Variants in DIDO1 observed in about 807,000 individuals in gnomAD.
DIDO1 encodes the protein death-inducer obliterator 1.
Under a neutral mutation model 99.4 loss-of-function variants are expected in DIDO1, and 16 were observed. That is an observed-to-expected ratio of 0.16 (90% CI 0.11 to 0.24). The LOEUF (loss-of-function observed/expected upper bound fraction) is 0.24, where lower values mean the gene tolerates loss of function less well. Ranked by LOEUF, DIDO1 falls within the 10% of genes least tolerant of loss-of-function variation. DIDO1 has a pLI of 1.00. For missense variants in DIDO1, 2,996 were observed against 3,014.0 expected (o/e 0.99, Z 0.14); for synonymous variants, 1,366 against 1,239.1 (o/e 1.10, Z -2.15).
Position 62,882,076 on chromosome 20 carries a change from C to T in DIDO1, c.3880G>A (p.Ala1294Thr), listed in dbSNP as rs1298456539. 1 of 1,601,048 alleles carries T rather than the reference C, an allele frequency of 6.2e-7. No individual in the cohort carries two copies. The highest frequency in any genetic ancestry group is 1.7e-4 in the Middle Eastern group (1 of 5,964). ...GAGGAAGCTGCCGTGGAGGCTGCCGCTGCTGTTGTGGCTGCTGTGGCTGGG... is the reference window on the plus strand; with the variant it reads ...GAGGAAGCTGCCGTGGAGGCTGCCGTTGCTGTTGTGGCTGCTGTGGCTGGG... Reference protein sequence around the residue: ...PSPATAATTAAAASTAASSTA... With the variant: ...PSPATAATTATAASTAASSTA... Residue 1294 changes from alanine (A) to threonine (T), a missense_variant, in exon 16 of 16, where the codon GCG becomes ACG. Physicochemically the swap from Ala to Thr is moderately conservative, Grantham distance 58. Around this residue, in one of 5 missense-constraint regions of DIDO1, gnomAD observed 1,562 missense variants for 1,412.6 expected, o/e 1.11. Transcript: ENST00000395343.
chr20:62,894,888 G>A lies in DIDO1; in HGVS notation c.2358C>T (p.His786=). 6.2e-7 allele frequency: 1 copy of A among 1,614,162 alleles called. No individual in the cohort carries two copies. The highest frequency in any genetic ancestry group is 1.1e-5 in the South Asian group (1 of 91,078). Residue 786 remains histidine (H), a synonymous_variant, in exon 10 of 16, where the codon CAC becomes CAT. Coordinates refer to ENST00000395343, the MANE Select transcript of DIDO1 (RefSeq NM_001193369.2). This position sits in a 1 kb window ranked among gnomAD's most constrained non-coding sequence, Gnocchi z 4.4. ...TGGGGGCCGTCTTCTTGCTTTCATT[G>A]TGCAGTTTAGTTCTGGACTCCATCA... ...RSVMESRTKL[H]NESKKTAPRQ...
chr20:62,891,427 G>A (rs114060635), intron 14 of DIDO1, among the ~76,000 whole-genome samples: 1,620 of 152,242 alleles, frequency 0.011, 35 homozygotes, highest in African/African-American at 0.037. Flanking sequence ...CCTCCCTAGA[G>A]GGGGTTAAAC....
At chr20:62,921,661 T>C (rs1435650092) in intron 1 of DIDO1, among the ~76,000 whole-genome samples, 8 of 145,344 alleles carry the variant, frequency 5.5e-5, no homozygotes, top group Admixed American at 4.9e-4. Flanking sequence ...GGAGACAGGG[T>C]CTCTGTCGCC....
rs1471882124 is a variant in DIDO1, at chr20:62,878,212, G to T, written c.*1021C>A. 3 of 152,180 alleles carry T rather than the reference G, an allele frequency of 2.0e-5. No individual in the cohort carries two copies. Among genetic ancestry groups the T allele is most frequent in the Non-Finnish European group, 4.4e-5 (3 of 68,026 alleles). 9.4% of individuals were successfully genotyped at this position (152,180 alleles called of 1,614,324 possible). A position where few individuals can be genotyped will look rare whatever the true frequency, so the allele number is the denominator to read the frequency against. ...TGTATTTGTACAAATAAATTAGCCA[G>T]ATTTTTTTACTTCACACTTCAGAAG... On this transcript the variant is annotated 3_prime_UTR_variant, in exon 16 of 16. Transcript: ENST00000395343.
Position 62,879,659 on chromosome 20 carries a change from C to A in DIDO1, c.6297G>T (p.Pro2099=), listed in dbSNP as rs1180666082. ...ERFDVGPKEK[P]LEEPDAQGRA... ...GGCCCTGGGCGTCGGGCTCCTCCAG[C>A]GGCTTCTCTTTGGGCCCCACGTCAA... is the stretch of plus-strand genomic sequence containing the variant. Residue 2099 remains proline, a synonymous_variant, in exon 16 of 16, where the codon CCG becomes CCT. Coordinates refer to ENST00000395343, the MANE Select transcript of DIDO1 (RefSeq NM_001193369.2). This position sits in a 1 kb window ranked among gnomAD's most constrained non-coding sequence, Gnocchi z 6.3. The A allele has an allele frequency of 1.2e-6, 2 of 1,608,306 alleles. No individual in the cohort carries two copies. Among genetic ancestry groups the A allele is most frequent in the African/African-American group, 1.3e-5 (1 of 74,920 alleles).
chr20:62,906,079 C>G lies in DIDO1; in HGVS notation c.1396G>C (p.Val466Leu), dbSNP rs373993169. ...GAQAGIKISS[V>L]HKRPAPEKKE... ...TTTTCTGGAGCTGGTCTCTTGTGCA[C>G]AGAAGAGATTTTAATACCTGCCTGG... The change falls in exon 6 of 16, where the codon GTG becomes CTG. Residue 466 changes from valine (V) to leucine (L), a missense_variant. Physicochemically the swap from Val to Leu is conservative, Grantham distance 32. Around this residue, in one of 5 missense-constraint regions of DIDO1, gnomAD observed 898 missense variants for 972.7 expected, o/e 0.92. Coordinates refer to ENST00000395343, the MANE Select transcript of DIDO1 (RefSeq NM_001193369.2). 21 of 1,611,522 alleles carry G rather than the reference C, an allele frequency of 1.3e-5. No individual in the cohort carries two copies. Among genetic ancestry groups the G allele is most frequent in the Non-Finnish European group, 1.8e-5 (21 of 1,178,984 alleles).
chr20:62,903,352 G>C (rs2064726770), intron 6 of DIDO1, among the ~76,000 whole-genome samples: 1 of 152,208 alleles, frequency 6.6e-6, no homozygotes, highest in Admixed American at 6.5e-5. Context: ...TGCACTGTGG[G>C]GAGCAGCAGC....
intron 1 of DIDO1, among the ~76,000 whole-genome samples, 188 bp from the exon 2 acceptor site, chr20:62,914,594 G>A (rs1472687607): frequency 6.6e-6 from 1 of 152,186 alleles, no homozygotes; most frequent in Non-Finnish European, 1.5e-5. Context: ...CAGGACAGCA[G>A]ATGCTACCAA....
intron 1 of DIDO1, 28 bp downstream of exon 1, chr20:62,926,411 G>T (rs1412890130): frequency 6.6e-6 from 1 of 151,204 alleles, no homozygotes; most frequent in East Asian, 2.0e-4. Context: ...TCTTCTACCC[G>T]GCGCCCGGGA....
rs1460185536 is a variant in DIDO1 at position 62,880,165 on chromosome 20, G to C, written c.5791C>G (p.Pro1931Ala). 1 of 1,612,466 alleles carries C rather than the reference G, an allele frequency of 6.2e-7. No homozygotes were observed. Among genetic ancestry groups the C allele is most frequent in the African/African-American group, 1.3e-5 (1 of 75,026 alleles). Reference protein sequence around the residue: ...GHFVGPRGPHPSQFETARGPH... With the variant: ...GHFVGPRGPHASQFETARGPH... ...CCCCGGGCAGTTTCAAACTGACTAG[G>C]ATGGGGCCCTCTTGGGCCCACGAAA... is the stretch of plus-strand genomic sequence containing the variant. The change falls in exon 16 of 16, where the codon CCT becomes GCT. Residue 1931 changes from proline (P) to alanine (A), a missense_variant. By Grantham distance (27) the Pro-to-Ala change is conservative. Transcript: ENST00000395343.
chr20:62,882,252 G>T lies in DIDO1; in HGVS notation c.3704C>A (p.Pro1235Gln), dbSNP rs200699748. 32 of 1,613,860 alleles carry T rather than the reference G, an allele frequency of 2.0e-5. No homozygotes were observed. Among genetic ancestry groups the T allele is most frequent in the Non-Finnish European group, 5.1e-6 (6 of 1,180,040 alleles). Residue 1235 changes from proline to glutamine, a missense_variant, in exon 16 of 16, where the codon CCG becomes CAG. Pro to Gln is a moderately conservative substitution (Grantham distance 76, BLOSUM62 -1). Transcript: ENST00000395343. Reference sequence around the variant, plus strand: ...CTTGGAGGGCTTCTTTTCCGACTGCGGGACTGTGGCTACTTTTGGATAGGC... The same window carrying T: ...CTTGGAGGGCTTCTTTTCCGACTGCTGGACTGTGGCTACTTTTGGATAGGC... ...VPAYPKVATVPQSEKKPSKYP... is the reference protein window; with the variant it reads ...VPAYPKVATVQQSEKKPSKYP...
chr20:62,895,210 C>G (rs764341917), intron 8 of DIDO1, 45 bp from the exon 9 acceptor site: 1 of 1,531,364 alleles, frequency 6.5e-7, no homozygotes, highest in South Asian at 1.1e-5. Context: ...ATTCCTATAT[C>G]TGTCAATACA....
chr20:62,905,729 C>A, intron 6 of DIDO1, 158 bp downstream of exon 6: 1 of 1,606,534 alleles, frequency 6.2e-7, no homozygotes, highest in African/African-American at 1.3e-5. Flanking sequence ...CAGCAGGAGG[C>A]ATCCTGGACA....
chr20:62,891,843 AT>A, intron 14 of DIDO1, 143 bp downstream of exon 14: 2 of 700,054 alleles, frequency 2.9e-6, no homozygotes, highest in Non-Finnish European at 4.6e-6. Flanking sequence ...GCAAAACTTA[AT>A]TTTTAACATT....
chr20:62,897,049 C>A, intron 6 of DIDO1, 53 bp from the exon 7 acceptor site: 1 of 1,511,720 alleles, frequency 6.6e-7, no homozygotes. Context: ...AGGGTGCTGT[C>A]ACCTGACTCT....
chr20:62,891,846 T>A (rs1184671418), intron 14 of DIDO1, 141 bp downstream of exon 14: 1 of 712,780 alleles, frequency 1.4e-6, no homozygotes, highest in African/African-American at 1.8e-5. Context: ...AAACTTAATT[T>A]TTAACATTCA....
At chr20:62,915,557 T>C (rs2065023073) in intron 1 of DIDO1, among the ~76,000 whole-genome samples, 1 of 152,212 alleles carries the variant, frequency 6.6e-6, no homozygotes, top group African/African-American at 2.4e-5. Context: ...GGCCCAATCA[T>C]GGCTCACTAC....
At chr20:62,929,998 G>A (rs943050618), upstream of DIDO1, among the ~76,000 whole-genome samples, 14 of 152,070 alleles carry the variant, frequency 9.2e-5, no homozygotes, top group Non-Finnish European at 1.9e-4. Flanking sequence ...TAGGTAGGCC[G>A]AGGTGGGTGG....
At chr20:62,892,496 G>A (rs1353277825) in intron 13 of DIDO1, among the ~76,000 whole-genome samples, 1 of 152,172 alleles carries the variant, frequency 6.6e-6, no homozygotes, top group South Asian at 2.1e-4. Context: ...AGCAGGCTCC[G>A]AACACCTGGC....
Sources: gnomAD v4.1 joint callset for allele counts (sites outside exome capture counted in the v4.1 genomes callset) on GRCh38, gnomAD v4.1.1 for gene constraint, gnomAD v4.1.1 regional missense constraint, Gnocchi (gnomAD v3.1) non-coding constraint, MANE v1.5 for transcripts, NCBI Gene and HGNC (gene_info 2026-07-23, HGNC 2026-07-21) for gene names.